Variants in DPP6 observed in about 807,000 individuals in gnomAD.
DPP6 encodes dipeptidyl peptidase like 6, also known as A-type potassium channel modulatory protein DPP6.
DPP6 carries 69 observed loss-of-function variants against 122.6 expected under a neutral mutation model. That is an observed-to-expected ratio of 0.56 (90% confidence interval 0.46 to 0.69). The LOEUF (loss-of-function observed/expected upper bound fraction) is 0.69, where lower values mean the gene tolerates loss of function less well. Among genes scored for constraint, DPP6 ranks in the 30% least tolerant of loss-of-function variants. The pLI, the probability that DPP6 is intolerant of heterozygous loss-of-function variation, is 0.00. For missense variants in DPP6, 928 were observed against 1,116.9 expected, an observed-to-expected ratio of 0.83 and a Z score of 2.41; for synonymous variants, 418 against 433.1, an observed-to-expected ratio of 0.97 and a Z score of 0.43.
chr7:153,863,347 G>T, the DPP6 span, among the ~76,000 whole-genome samples: 1 of 152,084 alleles, frequency 6.6e-6, no homozygotes, highest in Admixed American at 6.6e-5. Flanking sequence ...ATGGGCATTG[G>T]GGTTGGTTCC....
intron 3 of DPP6, among the ~76,000 whole-genome samples, chr7:154,499,067 G>A (rs542315978): frequency 1.1e-4 from 17 of 152,294 alleles, no homozygotes; most frequent in African/African-American, 2.2e-4. Flanking sequence ...GCTTGGCCAC[G>A]TGACTAACCC....
intron 7 of DPP6, among the ~76,000 whole-genome samples, chr7:154,720,770 G>C (rs961997428): frequency 3.3e-5 from 5 of 152,256 alleles, no homozygotes; most frequent in African/African-American, 9.6e-5. Flanking sequence ...GGGGTGGGCA[G>C]CCCCTTCACC....
chr7:154,664,161 G>A (rs1331494494), intron 6 of DPP6, among the ~76,000 whole-genome samples: 3 of 149,744 alleles, frequency 2.0e-5, no homozygotes, highest in Non-Finnish European at 3.0e-5. Flanking sequence ...ATATAGTCAT[G>A]GTGAATCACT....
At chr7:154,630,051 A>G (rs1204621964) in intron 5 of DPP6, among the ~76,000 whole-genome samples, 2 of 152,222 alleles carry the variant, frequency 1.3e-5, no homozygotes, top group East Asian at 3.8e-4. Flanking sequence ...CACAACCCTT[A>G]GCCCTGTATT....
At chr7:153,757,881 C>A in the DPP6 span, among the ~76,000 whole-genome samples, 1 of 152,156 alleles carries the variant, frequency 6.6e-6, no homozygotes, top group African/African-American at 2.4e-5. Flanking sequence ...ATCGCTTGAA[C>A]CCAGGAGGTA....
intron 8 of DPP6, among the ~76,000 whole-genome samples, chr7:154,756,146 G>T (rs939832533): frequency 6.6e-6 from 1 of 152,198 alleles, no homozygotes; most frequent in African/African-American, 2.4e-5. Context: ...AGAACAATGA[G>T]GGTGATGAAT....
At chr7:154,712,939 C>T (rs759872060) in intron 7 of DPP6, among the ~76,000 whole-genome samples, 2 of 152,192 alleles carry the variant, frequency 1.3e-5, no homozygotes, top group Non-Finnish European at 2.9e-5. Flanking sequence ...AGTCCAAAGT[C>T]TCATCTGAGA....
chr7:153,997,389 T>G (rs1797493046), intron 1 of DPP6, among the ~76,000 whole-genome samples: 1 of 152,106 alleles, frequency 6.6e-6, no homozygotes, highest in Non-Finnish European at 1.5e-5. Context: ...CCATTATGTC[T>G]GAGTCTTCAG....
chr7:153,906,745 C>T lies in DPP6; in HGVS notation c.51+19011C>T, dbSNP rs1799869841. Among the ~76,000 whole-genome samples, 3 of 152,230 alleles carry T rather than the reference C, an allele frequency of 2.0e-5. 1 individual carries two copies. The South Asian group carries it at 6.2e-4, about 31-fold the overall frequency. On this transcript the variant is annotated intron_variant, in intron 1 of 25. Transcript: ENST00000404039. Reference sequence around the variant, plus strand: ...AGGATTACAGGCGTGAGCCATTGCTCCCAACCCCAGTTTTTAACTTTTTGT... The same window carrying T: ...AGGATTACAGGCGTGAGCCATTGCTTCCAACCCCAGTTTTTAACTTTTTGT...
chr7:154,808,821 A>G (rs1798855662), intron 16 of DPP6, among the ~76,000 whole-genome samples: 1 of 152,238 alleles, frequency 6.6e-6, no homozygotes, highest in African/African-American at 2.4e-5. Flanking sequence ...TCTCAGAAGC[A>G]GGAGGCAGCT....
chr7:154,531,733 T>C (rs1043998632), intron 3 of DPP6, among the ~76,000 whole-genome samples: 4 of 152,200 alleles, frequency 2.6e-5, no homozygotes, highest in Admixed American at 6.5e-5. Flanking sequence ...ACGTAAATTA[T>C]GTTGATGTAA....
At chr7:154,610,091 CAA>C (rs2130802621) in intron 5 of DPP6, among the ~76,000 whole-genome samples, 1 of 152,248 alleles carries the variant, frequency 6.6e-6, no homozygotes, top group South Asian at 2.1e-4. Context: ...TTCTATGAAA[CAA>C]AATAGTCTCT....
chr7:154,174,986 G>GC (rs776325069), intron 1 of DPP6, among the ~76,000 whole-genome samples: 77 of 150,874 alleles, frequency 5.1e-4, no homozygotes, highest in Non-Finnish European at 7.7e-4. Flanking sequence ...AAGCAATTCT[G>GC]CCTCAGCCTC....
chr7:154,586,295 T>C (rs1832442709), intron 5 of DPP6, among the ~76,000 whole-genome samples: 1 of 152,142 alleles, frequency 6.6e-6, no homozygotes, highest in Non-Finnish European at 1.5e-5. Context: ...ATTGTTCTGT[T>C]GAACTTATTG....
the DPP6 span, among the ~76,000 whole-genome samples, chr7:153,786,740 G>GGAAAA: frequency 3.1e-5 from 1 of 31,806 alleles, no homozygotes; most frequent in African/African-American, 1.0e-4. Context: ...CTCCGTCTCA[G>GGAAAA]AAAAAAAAAA....
chr7:153,960,110 A>C (rs1463777835), intron 1 of DPP6, among the ~76,000 whole-genome samples: 1 of 152,188 alleles, frequency 6.6e-6, no homozygotes, highest in Non-Finnish European at 1.5e-5. Context: ...AATCACTTAG[A>C]TATCTGATAT....
At chr7:154,096,517 C>A (rs1805333566) in intron 1 of DPP6, among the ~76,000 whole-genome samples, 1 of 149,406 alleles carries the variant, frequency 6.7e-6, no homozygotes. Flanking sequence ...GAGGCAATAC[C>A]TTTATGCTTT....
At chr7:154,161,498 A>AAAAAC (rs1220068756) in intron 1 of DPP6, among the ~76,000 whole-genome samples, 1 of 118,012 alleles carries the variant, frequency 8.5e-6, no homozygotes, top group East Asian at 2.4e-4. Flanking sequence ...ACTCCATCTC[A>AAAAAC]AAAACAAAAC....
At chr7:154,399,365 T>G (rs1815367710) in intron 1 of DPP6, among the ~76,000 whole-genome samples, 1 of 152,328 alleles carries the variant, frequency 6.6e-6, no homozygotes, top group East Asian at 1.9e-4. Flanking sequence ...CCTGTAACAC[T>G]TTTCTTAATT....
Sources: gnomAD v4.1 joint callset for allele counts (sites outside exome capture counted in the v4.1 genomes callset) on GRCh38, gnomAD v4.1.1 for gene constraint, MANE v1.5 for transcripts, NCBI Gene and HGNC (gene_info 2026-07-23, HGNC 2026-07-21) for gene names.